EPHA6: variants seen among roughly 807,000 people sequenced by gnomAD.
EPHA6 encodes ephrin type-A receptor 6.
EPHA6 carries 50 observed loss-of-function variants against 112.0 expected under a neutral mutation model. That is an observed-to-expected ratio of 0.45 (90% CI 0.36 to 0.56). The LOEUF is 0.56. Ranked by LOEUF, EPHA6 falls within the 20% of genes least tolerant of loss-of-function variation. The pLI is 0.00. For synonymous variants in EPHA6, 529 were observed against 490.7 expected (o/e 1.08, Z -1.03); for missense variants, 1,280 against 1,417.4 (o/e 0.90, Z 1.56).
At chr3:97,131,210 A>G (rs113462731) in intron 3 of EPHA6, among the ~76,000 whole-genome samples, 8 of 152,142 alleles carry the variant, frequency 5.3e-5, no homozygotes, top group Admixed American at 2.0e-4. Context: ...TCTACATTAT[A>G]TGAATGTATA....
intron 3 of EPHA6, among the ~76,000 whole-genome samples, chr3:97,222,055 C>G (rs1228767413): frequency 2.7e-5 from 4 of 147,716 alleles, no homozygotes; most frequent in Non-Finnish European, 6.0e-5. Flanking sequence ...AACCAACAAA[C>G]AAAAACCCTA....
At chr3:97,390,165 C>T (rs2086316940) in intron 5 of EPHA6, among the ~76,000 whole-genome samples, 2 of 152,100 alleles carry the variant, frequency 1.3e-5, no homozygotes, top group African/African-American at 2.4e-5. Context: ...ACAAAGACTA[C>T]GTCCATTAAG....
intron 10 of EPHA6, among the ~76,000 whole-genome samples, chr3:97,524,497 A>T (rs1367850537): frequency 6.6e-6 from 1 of 152,080 alleles, no homozygotes; most frequent in Non-Finnish European, 1.5e-5. Flanking sequence ...TATTATACTA[A>T]TGAGTGATTT....
Position 97,138,435 on chromosome 3 carries a change from C to T in EPHA6, c.1115-87829C>T, listed in dbSNP as rs577733463. Among the ~76,000 whole-genome samples, 4 of 152,314 alleles carry T rather than the reference C, an allele frequency of 2.6e-5. No homozygotes were observed. The East Asian group carries it at 7.7e-4, about 29-fold the overall frequency. On this transcript the variant is annotated intron_variant, in intron 3 of 17. Transcript: ENST00000389672. ...ACTCCCATAGTTGTAGAACCAAATGCATTAGAACCACATAACCCATGCCTG... is the reference window on the plus strand; with the variant it reads ...ACTCCCATAGTTGTAGAACCAAATGTATTAGAACCACATAACCCATGCCTG...
At chr3:97,447,803 C>T in intron 6 of EPHA6, 1 of 1,015,242 alleles carries the variant, frequency 9.8e-7, no homozygotes, top group South Asian at 4.6e-5. Flanking sequence ...AGAACCAAGC[C>T]TCAAGCCCTG....
chr3:97,222,375 A>G (rs1010178507), intron 3 of EPHA6, among the ~76,000 whole-genome samples: 1 of 152,174 alleles, frequency 6.6e-6, no homozygotes, highest in African/African-American at 2.4e-5. Flanking sequence ...TATGGGTTCA[A>G]AATTTTTAGG....
intron 10 of EPHA6, among the ~76,000 whole-genome samples, chr3:97,485,781 T>A (rs987867769): frequency 3.9e-5 from 6 of 152,178 alleles, no homozygotes; most frequent in Non-Finnish European, 7.3e-5. Context: ...AGAGAGGAGG[T>A]TGGATAATCT....
rs1437805476 is a variant in EPHA6 at position 97,519,087 on chromosome 3, G to C, written c.2201-13271G>C. ...ACTTTGCATAGCCCGGGATCCTGAA[G>C]TGTGTTCCCTATGTTTTCTTCTATT... On this transcript the variant is annotated intron_variant, in intron 10 of 17. Coordinates refer to ENST00000389672, the MANE Select transcript of EPHA6 (RefSeq NM_001080448.3). Among the ~76,000 whole-genome samples, 3 of 152,248 alleles carry C rather than the reference G, an allele frequency of 2.0e-5. No homozygotes were observed. The South Asian group carries it at 6.2e-4, about 32-fold the overall frequency.
chr3:97,699,823 A>G (rs777530287), intron 14 of EPHA6, among the ~76,000 whole-genome samples: 1 of 152,260 alleles, frequency 6.6e-6, no homozygotes, highest in African/African-American at 2.4e-5. Context: ...ACATGTTCAT[A>G]TAAGCATTTA....
At chr3:97,037,434 A>G (rs1326698097) in intron 3 of EPHA6, among the ~76,000 whole-genome samples, 2 of 152,058 alleles carry the variant, frequency 1.3e-5, no homozygotes, top group Non-Finnish European at 2.9e-5. Context: ...CAGAGAGAAT[A>G]TCATCATATG....
At chr3:97,345,710 GTA>G (rs912111170) in intron 5 of EPHA6, among the ~76,000 whole-genome samples, 3 of 151,900 alleles carry the variant, frequency 2.0e-5, no homozygotes, top group African/African-American at 7.3e-5. Context: ...CCAGAAACAT[GTA>G]TATATATATG....
chr3:96,912,656 T>C (rs1288976218), intron 2 of EPHA6, among the ~76,000 whole-genome samples: 2 of 152,124 alleles, frequency 1.3e-5, no homozygotes, highest in Non-Finnish European at 2.9e-5. Context: ...GTCATGATCA[T>C]AGATCACCCT....
At chr3:97,447,682 G>A in intron 6 of EPHA6, 2 of 746,242 alleles carry the variant, frequency 2.7e-6, no homozygotes, top group Non-Finnish European at 1.7e-6. Context: ...GAGATAGTGG[G>A]CAAGAGAGAC....
intron 1 of EPHA6, 56 bp from the exon 2 acceptor site, chr3:96,866,764 TTAATA>T (rs2036338889): frequency 7.0e-6 from 6 of 855,280 alleles, no homozygotes; most frequent in South Asian, 2.1e-5. Context: ...CTTTAATAAT[TTAATA>T]TATTTTTGCA....
chr3:97,548,189 T>C (rs2092982743), intron 11 of EPHA6, among the ~76,000 whole-genome samples: 2 of 152,170 alleles, frequency 1.3e-5, no homozygotes, highest in African/African-American at 4.8e-5. Flanking sequence ...GAGCTGTTCG[T>C]ATTCGGCCAT....
chr3:97,514,455 T>C (rs996615800), intron 10 of EPHA6, among the ~76,000 whole-genome samples: 2 of 152,198 alleles, frequency 1.3e-5, no homozygotes, highest in African/African-American at 4.8e-5. Context: ...GTAAAGTCTT[T>C]TTTGCTAAAC....
chr3:97,337,881 G>A (rs2083131989), intron 5 of EPHA6, among the ~76,000 whole-genome samples: 1 of 152,142 alleles, frequency 6.6e-6, no homozygotes, highest in Admixed American at 6.6e-5. Context: ...TTGAAGACGA[G>A]CAACTCAGTG....
intron 1 of EPHA6, among the ~76,000 whole-genome samples, chr3:96,866,109 G>GTTCTCC (rs1250058921): frequency 6.6e-6 from 1 of 152,034 alleles, no homozygotes; most frequent in African/African-American, 2.4e-5. Flanking sequence ...CGTTTGTGAA[G>GTTCTCC]TTCTCCCAGA....
In EPHA6 at chr3:97,486,058, T is replaced by TA. The variant is rs1256719895; in HGVS notation, c.2200+2005dup. 1.4e-4 allele frequency among the ~76,000 whole-genome samples: 21 copies of TA among 152,308 alleles called. No individual in the cohort carries two copies. In the South Asian group the frequency reaches 4.1e-3, roughly 30 times the overall value. On this transcript the variant is annotated intron_variant, in intron 10 of 17. Coordinates refer to ENST00000389672, the MANE Select transcript of EPHA6 (RefSeq NM_001080448.3). ...TCAAGTAAAATATAAATTGTTCTCT[T>TA]AAAAAAGTATAATTGATACTGCAAA...
Sources: gnomAD v4.1 joint callset for allele counts (sites outside exome capture counted in the v4.1 genomes callset) on GRCh38, gnomAD v4.1.1 for gene constraint, MANE v1.5 for transcripts, NCBI Gene and HGNC (gene_info 2026-07-23, HGNC 2026-07-21) for gene names.